GLIS3: variants seen among roughly 807,000 people sequenced by gnomAD.
The protein encoded by GLIS3 is zinc finger protein GLIS3.
GLIS3 carries 53 observed loss-of-function variants against 78.6 expected under a neutral mutation model. That is an observed-to-expected ratio of 0.67 (90% CI 0.54 to 0.85). The LOEUF is 0.85. GLIS3 is among the 40% of genes least tolerant of loss of function. The pLI is 0.00. For synonymous variants in GLIS3, 684 were observed against 509.9 expected (o/e 1.34, Z -4.60); for missense variants, 1,703 against 1,231.1 (o/e 1.38, Z -5.74).
At chr9:4,224,618 G>C (rs1821609327) in intron 2 of GLIS3, among the ~76,000 whole-genome samples, 1 of 151,982 alleles carries the variant, frequency 6.6e-6, no homozygotes, top group Non-Finnish European at 1.5e-5. Context: ...CTAGCAAATG[G>C]AACAGGGCTT....
intron 6 of GLIS3, among the ~76,000 whole-genome samples, chr9:3,930,484 T>C (rs187388099): frequency 7.5e-4 from 114 of 152,346 alleles, no homozygotes; most frequent in Non-Finnish European, 1.5e-3. Context: ...TTTTTTCAGT[T>C]AGTGCTTCAA....
intron 4 of GLIS3, among the ~76,000 whole-genome samples, chr9:3,986,320 G>T (rs1819738708): frequency 6.6e-6 from 1 of 152,146 alleles, no homozygotes; most frequent in African/African-American, 2.4e-5. Context: ...AGATAATTTT[G>T]CTTGGCTCTG....
chr9:4,249,758 T>C (rs1226285520), intron 2 of GLIS3, among the ~76,000 whole-genome samples: 1 of 152,238 alleles, frequency 6.6e-6, no homozygotes, highest in African/African-American at 2.4e-5. Flanking sequence ...TGTGGGTTTG[T>C]CATAAATAGC....
chr9:4,204,270 A>G (rs759687817), intron 2 of GLIS3, among the ~76,000 whole-genome samples: 3 of 152,248 alleles, frequency 2.0e-5, no homozygotes, highest in Non-Finnish European at 4.4e-5. Context: ...TAGCGATTTT[A>G]TAACGATTCT....
At chr9:3,846,039 C>A (rs919465280) in intron 9 of GLIS3, among the ~76,000 whole-genome samples, 2 of 152,186 alleles carry the variant, frequency 1.3e-5, no homozygotes, top group African/African-American at 4.8e-5. Context: ...GCATGACAGG[C>A]ATTCACTACA....
chr9:3,932,322 A>G (rs1161077046), intron 6 of GLIS3, 38 bp downstream of exon 6: 2 of 1,479,244 alleles, frequency 1.4e-6, no homozygotes, highest in Admixed American at 1.7e-5. Context: ...TAATCTGAAC[A>G]TGCTTTTCCC....
At chr9:3,842,860 A>C (rs913832377) in intron 9 of GLIS3, among the ~76,000 whole-genome samples, 1 of 152,224 alleles carries the variant, frequency 6.6e-6, no homozygotes, top group Admixed American at 6.5e-5. Context: ...ATTTCATTTG[A>C]AATGGAGAGA....
chr9:4,062,207 C>A (rs1394546266), intron 4 of GLIS3, among the ~76,000 whole-genome samples: 1 of 152,160 alleles, frequency 6.6e-6, no homozygotes, highest in Non-Finnish European at 1.5e-5. Flanking sequence ...TGATACATTA[C>A]CCCTGTGCCT....
intron 4 of GLIS3, among the ~76,000 whole-genome samples, chr9:3,947,950 AT>A (rs964919185): frequency 2.0e-5 from 3 of 152,232 alleles, no homozygotes; most frequent in Non-Finnish European, 4.4e-5. Flanking sequence ...GTTAAAAATC[AT>A]CTGTGACTGG....
intron 4 of GLIS3, among the ~76,000 whole-genome samples, chr9:3,988,478 C>T (rs1819952893): frequency 6.6e-6 from 1 of 152,084 alleles, no homozygotes; most frequent in Non-Finnish European, 1.5e-5. Flanking sequence ...CCATAATTCT[C>T]CCAAAATTTA....
upstream of GLIS3, among the ~76,000 whole-genome samples, chr9:4,350,976 G>C (rs554380896): frequency 1.4e-4 from 21 of 152,268 alleles, no homozygotes; most frequent in African/African-American, 4.1e-4. Flanking sequence ...CTGGGGCCCT[G>C]TGTGTCTGTG....
the GLIS3 span, among the ~76,000 whole-genome samples, chr9:4,475,726 G>T: frequency 6.6e-6 from 1 of 152,152 alleles, no homozygotes; most frequent in East Asian, 1.9e-4. Context: ...CTGCCATTTT[G>T]TGTACAAGGG....
chr9:4,350,794 G>C (rs1250919516), upstream of GLIS3, among the ~76,000 whole-genome samples: 2 of 151,856 alleles, frequency 1.3e-5, no homozygotes, highest in Non-Finnish European at 2.9e-5. Context: ...ATCAGGGTTT[G>C]TTTTGTTTTG....
At chr9:4,117,723 G>T in intron 4 of GLIS3, 45 bp downstream of exon 4, 1 of 1,612,754 alleles carries the variant, frequency 6.2e-7, no homozygotes, top group Non-Finnish European at 8.5e-7. Context: ...CGCAAAGCAA[G>T]CCGGGCCTTC....
chr9:3,859,370 C>CAT (rs1408302400), intron 8 of GLIS3, among the ~76,000 whole-genome samples: 1 of 13,782 alleles, frequency 7.3e-5, no homozygotes, highest in Non-Finnish European at 2.1e-4. Context: ...CACACACACA[C>CAT]ACACACACAC....
At chr9:4,166,239 A>C (rs573203460) in intron 2 of GLIS3, among the ~76,000 whole-genome samples, 2 of 152,320 alleles carry the variant, frequency 1.3e-5, no homozygotes, top group South Asian at 2.1e-4. Context: ...ATTAAGAGGC[A>C]AATAGGAATT....
chr9:4,017,297 T>C (rs987552834), intron 4 of GLIS3, among the ~76,000 whole-genome samples: 11 of 152,170 alleles, frequency 7.2e-5, no homozygotes, highest in African/African-American at 2.4e-4. Flanking sequence ...CATTGACTAG[T>C]CTATACTCTG....
At chr9:4,397,483 C>T in the GLIS3 span, among the ~76,000 whole-genome samples, 2 of 151,646 alleles carry the variant, frequency 1.3e-5, no homozygotes, top group East Asian at 3.9e-4. Flanking sequence ...GGGATGTGTC[C>T]CACTGCTTCC....
intron 1 of GLIS3, among the ~76,000 whole-genome samples, chr9:4,297,576 G>A (rs561422905): frequency 6.6e-6 from 1 of 152,320 alleles, no homozygotes; most frequent in South Asian, 2.1e-4. Flanking sequence ...TGCCGGCTCG[G>A]GGAGAGGGTG....
Sources: allele counts gnomAD v4.1 joint callset (sites outside exome capture counted in the v4.1 genomes callset), GRCh38; gene constraint gnomAD v4.1.1; transcripts MANE v1.5; gene names NCBI Gene and HGNC (gene_info 2026-07-23, HGNC 2026-07-21).